Variants in FOXN3 observed in about 807,000 individuals in gnomAD.
FOXN3 encodes the protein forkhead box N3.
In FOXN3, 7 loss-of-function variants were observed where a neutral mutation model predicts 38.4. That is an observed-to-expected ratio of 0.18 (90% confidence interval 0.10 to 0.34). The LOEUF (loss-of-function observed/expected upper bound fraction) is 0.34, where lower values mean the gene tolerates loss of function less well. Among genes scored for constraint, FOXN3 ranks in the 10% least tolerant of loss-of-function variants. FOXN3 has a pLI of 1.00. For synonymous variants in FOXN3, 230 were observed against 242.2 expected (o/e 0.95, Z 0.47); for missense variants, 456 against 613.4 (o/e 0.74, Z 2.71).
intron 1 of FOXN3, among the ~76,000 whole-genome samples, chr14:89,507,823 G>A (rs539318140): frequency 2.3e-4 from 35 of 151,896 alleles, no homozygotes; most frequent in African/African-American, 7.5e-4. Context: ...ATGTAGTGAC[G>A]TAAGCCTGGA....
upstream of FOXN3, among the ~76,000 whole-genome samples, chr14:89,421,455 T>C (rs1891904618): frequency 6.6e-6 from 1 of 151,176 alleles, no homozygotes; most frequent in South Asian, 2.1e-4. Flanking sequence ...GCCAAACATA[T>C]TGCTGAGAAT....
At chr14:89,244,388 A>C (rs145805298) in intron 4 of FOXN3, among the ~76,000 whole-genome samples, 18 of 152,336 alleles carry the variant, frequency 1.2e-4, no homozygotes, top group African/African-American at 4.3e-4. Context: ...TAGTAAGCAA[A>C]GAGACACAGG....
chr14:89,384,241 T>C (rs1890734696), intron 2 of FOXN3, among the ~76,000 whole-genome samples: 3 of 152,228 alleles, frequency 2.0e-5, no homozygotes, highest in Admixed American at 1.3e-4. Flanking sequence ...ATGGCTGCCC[T>C]GGGCGTGGCA....
At chr14:89,325,320 C>T (rs543365915) in intron 3 of FOXN3, among the ~76,000 whole-genome samples, 1 of 73,420 alleles carries the variant, frequency 1.4e-5, no homozygotes, top group African/African-American at 6.5e-5. Context: ...CCACGACCAC[C>T]ACCACCACCA....
intron 5 of FOXN3, among the ~76,000 whole-genome samples, chr14:89,176,054 GT>G (rs1376631483): frequency 3.3e-5 from 5 of 152,132 alleles, no homozygotes; most frequent in African/African-American, 1.2e-4. Flanking sequence ...TTTAAGATGT[GT>G]GAGTAGTTAT....
At chr14:89,238,255 A>G (rs10130404) in intron 4 of FOXN3, among the ~76,000 whole-genome samples, 3,427 of 152,266 alleles carry the variant, frequency 0.023, 131 homozygotes, top group African/African-American at 0.079. Flanking sequence ...CATCAATGGT[A>G]ACTGTGTTTA....
At chr14:89,334,539 G>A (rs1888382022) in intron 3 of FOXN3, among the ~76,000 whole-genome samples, 1 of 151,428 alleles carries the variant, frequency 6.6e-6, no homozygotes, top group Non-Finnish European at 1.5e-5. Context: ...GAACCTGGGA[G>A]GTGGAGATTG....
At chr14:89,435,179 T>G (rs1892251670) in intron 1 of FOXN3, among the ~76,000 whole-genome samples, 1 of 151,972 alleles carries the variant, frequency 6.6e-6, no homozygotes, top group Non-Finnish European at 1.5e-5. Flanking sequence ...ACCCAGGAGT[T>G]AGAAGCCAGC....
chr14:89,281,598 G>A (rs1886462495), intron 3 of FOXN3, among the ~76,000 whole-genome samples: 1 of 152,064 alleles, frequency 6.6e-6, no homozygotes, highest in Non-Finnish European at 1.5e-5. Flanking sequence ...TTGCAGATAT[G>A]TTACCACCCA....
At chr14:89,440,121 G>C (rs1269465905) in intron 1 of FOXN3, among the ~76,000 whole-genome samples, 1 of 152,080 alleles carries the variant, frequency 6.6e-6, no homozygotes, top group Non-Finnish European at 1.5e-5. Flanking sequence ...GCCTCAAGCA[G>C]GTTAAAATGA....
intron 2 of FOXN3, chr14:89,356,438 A>G (rs1294232719): frequency 6.6e-6 from 1 of 152,072 alleles, no homozygotes; most frequent in Non-Finnish European, 1.5e-5. Context: ...AATTAAATTA[A>G]AACAACACAG....
chr14:89,380,650 C>T (rs552319280), intron 2 of FOXN3, among the ~76,000 whole-genome samples: 1 of 152,362 alleles, frequency 6.6e-6, no homozygotes, highest in South Asian at 2.1e-4. Context: ...TCTCACTCAG[C>T]ATGCTGAGGC....
At chr14:89,343,627 G>GTT (rs34453491) in intron 3 of FOXN3, among the ~76,000 whole-genome samples, 3,807 of 140,428 alleles carry the variant, frequency 0.027, 75 homozygotes, top group African/African-American at 0.039. Flanking sequence ...AATGTGTGTG[G>GTT]TTTTTTTTTT....
intron 4 of FOXN3, among the ~76,000 whole-genome samples, chr14:89,217,432 G>T (rs1298138320): frequency 6.6e-6 from 1 of 152,068 alleles, no homozygotes; most frequent in Non-Finnish European, 1.5e-5. Context: ...GAGCCACCAC[G>T]CCTGGCCTCA....
chr14:89,284,299 C>T (rs1036618499), intron 3 of FOXN3: 8 of 358,564 alleles, frequency 2.2e-5, no homozygotes, highest in Non-Finnish European at 4.4e-5. Context: ...TGTGAGGTAC[C>T]ATGCCCGGCC....
At chr14:89,236,193 A>T (rs1278861084) in intron 4 of FOXN3, among the ~76,000 whole-genome samples, 1 of 152,192 alleles carries the variant, frequency 6.6e-6, no homozygotes, top group African/African-American at 2.4e-5. Context: ...GGGTCACAAG[A>T]GCGACTGGAA....
intron 4 of FOXN3, among the ~76,000 whole-genome samples, chr14:89,201,960 C>T (rs1300485140): frequency 3.9e-5 from 6 of 152,202 alleles, no homozygotes; most frequent in Non-Finnish European, 4.4e-5. Flanking sequence ...TCCACATGCA[C>T]GGCATCTTCA....
chr14:89,480,060 G>A (rs1336621398), intron 1 of FOXN3, among the ~76,000 whole-genome samples: 1 of 152,142 alleles, frequency 6.6e-6, no homozygotes, highest in Middle Eastern at 3.2e-3. Flanking sequence ...CATGTTGTAA[G>A]CACCCTACTG....
intron 1 of FOXN3, among the ~76,000 whole-genome samples, chr14:89,413,451 T>G (rs1891597768): frequency 6.6e-6 from 1 of 151,742 alleles, no homozygotes; most frequent in Non-Finnish European, 1.5e-5. Context: ...CTGGGCAACA[T>G]GGCGAAACCC....
Sources: gnomAD v4.1 joint callset for allele counts (sites outside exome capture counted in the v4.1 genomes callset) on GRCh38, gnomAD v4.1.1 for gene constraint, MANE v1.5 for transcripts, NCBI Gene and HGNC (gene_info 2026-07-23, HGNC 2026-07-21) for gene names.